Variants in TEX10 observed in about 807,000 individuals in gnomAD.
TEX10 encodes the protein testis-expressed protein 10.
TEX10 carries 24 observed loss-of-function variants against 104.4 expected under a neutral mutation model. That is an observed-to-expected ratio of 0.23 (90% CI 0.17 to 0.32). TEX10 has a LOEUF of 0.32. TEX10 is among the 10% of genes least tolerant of loss of function. TEX10 has a pLI of 1.00. For missense variants in TEX10, 921 were observed against 1,083.9 expected (o/e 0.85, Z 2.11); for synonymous variants, 396 against 393.4 (o/e 1.01, Z -0.08).
intron 5 of TEX10, among the ~76,000 whole-genome samples, chr9:100,338,324 A>C (rs970143064): frequency 3.3e-5 from 5 of 152,140 alleles, no homozygotes; most frequent in African/African-American, 1.2e-4. Flanking sequence ...GCCTCTAAGA[A>C]ACGTCAGCAC....
At chr9:100,338,902 ACT>A (rs1168023478) in intron 5 of TEX10, among the ~76,000 whole-genome samples, 1 of 151,746 alleles carries the variant, frequency 6.6e-6, no homozygotes, top group East Asian at 1.9e-4. Context: ...AAAAAAAATC[ACT>A]GTCGCAGTTT....
intron 11 of TEX10, among the ~76,000 whole-genome samples, chr9:100,318,125 A>G (rs1834467202): frequency 6.6e-6 from 1 of 152,200 alleles, no homozygotes. Context: ...TATGTACCCA[A>G]AGGAAAAGAA....
chr9:100,314,416 A>ACTACTG (rs1200290744), intron 11 of TEX10, among the ~76,000 whole-genome samples: 2 of 151,826 alleles, frequency 1.3e-5, no homozygotes, highest in Non-Finnish European at 2.9e-5. Flanking sequence ...ATTTAACCAT[A>ACTACTG]CTACTCATTA....
rs529294241 is a variant in TEX10 at position 100,336,026 on chromosome 9, G to A, written c.1250+4231C>T. 2.6e-5 allele frequency among the ~76,000 whole-genome samples: 4 copies of A among 151,816 alleles called. No homozygotes were observed. The East Asian group carries it at 7.8e-4, about 29-fold the overall frequency. ...CTACTAGATACAAAAAATTAGCCGG[G>A]CATAGTGGCACATGCCTATAATCCC... is the stretch of plus-strand genomic sequence containing the variant. On this transcript the variant is annotated intron_variant, in intron 5 of 14. Coordinates refer to ENST00000374902, the MANE Select transcript of TEX10 (RefSeq NM_017746.4).
At chr9:100,340,451 G>T in intron 4 of TEX10, 82 bp from the exon 5 acceptor site, 3 of 785,826 alleles carry the variant, frequency 3.8e-6, no homozygotes, top group East Asian at 2.9e-5. Context: ...ATGACAACTT[G>T]TCAAATAAAT....
rs188898991 is a variant in TEX10 at position 100,319,245 on chromosome 9, T to C, written c.2202+1020A>G. ...CCCAAAACAGTAACAAAAAACTTTT[T>C]AAAGTCAGTAGTTAATTAATTCAGA... On this transcript the variant is annotated intron_variant, in intron 11 of 14. Transcript: ENST00000374902. Among the ~76,000 whole-genome samples, 349 of 152,180 alleles carry C rather than the reference T, an allele frequency of 2.3e-3. 3 individuals are homozygous for C. The highest frequency in any genetic ancestry group is 3.8e-3 in the Non-Finnish European group (255 of 67,988).
At chr9:100,317,696 C>T (rs949321113) in intron 11 of TEX10, among the ~76,000 whole-genome samples, 2 of 151,970 alleles carry the variant, frequency 1.3e-5, no homozygotes, top group African/African-American at 4.8e-5. Context: ...AACAGAAAAC[C>T]TGCAGAATGG....
chr9:100,311,046 C>G (rs1035027021), intron 11 of TEX10, among the ~76,000 whole-genome samples: 1 of 152,140 alleles, frequency 6.6e-6, no homozygotes, highest in Admixed American at 6.5e-5. Flanking sequence ...GAAACTATGA[C>G]TTTAAGCAAA....
At position 100,316,903 on chromosome 9, in the gene TEX10, A is replaced by AAC. The variant is rs1390181533; in HGVS notation, c.2202+3361_2202+3362insGT. Among the ~76,000 whole-genome samples the AAC allele has an allele frequency of 3.4e-3, 503 of 148,860 alleles. 3 individuals carry two copies. Among genetic ancestry groups the AAC allele is most frequent in the African/African-American group, 0.012 (470 of 40,484 alleles). ...TCCCACTTATAATAGCTAAAAAAAA[A>AAC]AAAAAAAAAAAAACCTAGGAATATA... On this transcript the variant is annotated intron_variant, in intron 11 of 14. Transcript: ENST00000374902.
rs1331675886 is a variant in TEX10 at position 100,349,325 on chromosome 9, T to G, written c.39A>C (p.Lys13Asn). ...TCTTTTTACCAACTTTCAATTTTAC[T>G]TTTTGAAAATCATGTTGGCGTTTTC... ...KKRKRQHDFQKVKLKVGKKKP... is the reference protein window; with the variant it reads ...KKRKRQHDFQNVKLKVGKKKP... The change falls in exon 2 of 15, where the codon AAA becomes AAC. Residue 13 changes from lysine (K) to asparagine (N), a missense_variant. Physicochemically the swap from Lys to Asn is moderately conservative, Grantham distance 94. This residue lies in a region of TEX10 where 118 missense variants were observed against 111.3 expected (regional missense o/e 1.06). Coordinates refer to ENST00000374902, the MANE Select transcript of TEX10 (RefSeq NM_017746.4). 10 of 1,595,352 alleles carry G rather than the reference T, an allele frequency of 6.3e-6. No homozygotes were observed. The highest frequency in any genetic ancestry group is 8.5e-6 in the Non-Finnish European group (10 of 1,175,012).
At chr9:100,342,101 A>G (rs550732485) in intron 4 of TEX10, among the ~76,000 whole-genome samples, 2 of 152,310 alleles carry the variant, frequency 1.3e-5, no homozygotes, top group South Asian at 4.1e-4. Context: ...CAAATATGCG[A>G]AGCCTGTTCT....
chr9:100,336,444 T>C (rs1368843655), intron 5 of TEX10, among the ~76,000 whole-genome samples: 4 of 152,182 alleles, frequency 2.6e-5, no homozygotes, highest in Non-Finnish European at 2.9e-5. Flanking sequence ...CATAGGAGCA[T>C]GAACCCTATT....
Position 100,340,330 on chromosome 9 carries a change from G to T in TEX10, c.1177C>A (p.His393Asn), listed in dbSNP as rs1460486277. ...LRKNYLIDFK[H>N]HFMSRFPYVL... is the part of the protein sequence containing the mutation. ...TATGGAAAACGACTCATAAAATGGT[G>T]TTTAAAATCAATAAGGTAGTTCTTT... The change falls in exon 5 of 15, where the codon CAC (histidine) becomes AAC (asparagine). Residue 393 changes from histidine to asparagine, a missense_variant. Transcript: ENST00000374902. 2 of 1,570,974 alleles carry T rather than the reference G, an allele frequency of 1.3e-6. No individual in the cohort carries two copies. Among genetic ancestry groups the T allele is most frequent in the Non-Finnish European group, 1.7e-6 (2 of 1,165,392 alleles).
At chr9:100,324,468 GTCTACTAATGGAC>G (rs1834653556) in intron 9 of TEX10, among the ~76,000 whole-genome samples, 1 of 152,102 alleles carries the variant, frequency 6.6e-6, no homozygotes, top group Non-Finnish European at 1.5e-5. Flanking sequence ...ATAGAGAGAA[GTCTACTAATGGAC>G]TCTGTACAAA....
chr9:100,308,674 A>C lies in TEX10; in HGVS notation c.2291T>G (p.Leu764Trp), dbSNP rs1427175504. The C allele has an allele frequency of 2.5e-6, 4 of 1,600,414 alleles. No homozygotes were observed. The South Asian group carries it at 4.5e-5, about 18-fold the overall frequency. ...QSAISKHLVG[L>W]TVIPDSTAGC... ...AGCCGTGCTGTCAGGAATTACAGTC[A>C]ACCCAACCTAAGCAGAGAAAAACGA... is the stretch of plus-strand genomic sequence containing the variant. The change falls in exon 13 of 15, where the codon TTG becomes TGG. Residue 764 changes from leucine to tryptophan, a missense_variant. This residue lies in a region of TEX10 where 753 missense variants were observed against 868.4 expected (regional missense o/e 0.87). Transcript: ENST00000374902.
intron 11 of TEX10, among the ~76,000 whole-genome samples, chr9:100,317,196 A>C (rs997283532): frequency 6.6e-6 from 1 of 152,186 alleles, no homozygotes; most frequent in Non-Finnish European, 1.5e-5. Flanking sequence ...AGCAATACTA[A>C]GCAAAAAGAG....
chr9:100,318,621 GAATAAA>G (rs1485669908), intron 11 of TEX10, among the ~76,000 whole-genome samples: 1 of 152,114 alleles, frequency 6.6e-6, no homozygotes, highest in Non-Finnish European at 1.5e-5. Context: ...ACACACAAAA[GAATAAA>G]AATAAACTTA....
At chr9:100,346,400 T>G (rs1835299934) in intron 3 of TEX10, 85 bp from the exon 4 acceptor site, 3 of 1,417,790 alleles carry the variant, frequency 2.1e-6, no homozygotes, top group Non-Finnish European at 1.9e-6. Flanking sequence ...TATAAAGTAC[T>G]AGTAAAATGA....
intron 4 of TEX10, among the ~76,000 whole-genome samples, chr9:100,341,479 ACTTT>A (rs1284949780): frequency 1.3e-5 from 2 of 150,444 alleles, no homozygotes; most frequent in African/African-American, 4.9e-5. Flanking sequence ...CTGCCAAATG[ACTTT>A]CTTTCTCATT....
Sources: allele counts gnomAD v4.1 joint callset (sites outside exome capture counted in the v4.1 genomes callset), GRCh38; gene constraint gnomAD v4.1.1; regional missense constraint gnomAD v4.1.1; transcripts MANE v1.5; gene names NCBI Gene and HGNC (gene_info 2026-07-23, HGNC 2026-07-21).